The following TCEANC2 variants were observed in gnomAD, a reference collection of about 807,000 sequenced individuals.
The protein encoded by TCEANC2 is transcription elongation factor A N-terminal and central domain containing 2.
TCEANC2 carries 20 observed loss-of-function variants against 22.8 expected under a neutral mutation model. That is an observed-to-expected ratio of 0.88 (90% CI 0.62 to 1.28). The LOEUF is 1.28. Ranked by LOEUF, TCEANC2 falls within the 50% of genes most tolerant of loss-of-function variation. The probability of loss-of-function intolerance (pLI) is 0.00; values close to 1 mark genes in which losing one functional copy is unlikely to be tolerated. For missense variants in TCEANC2, 251 were observed against 249.7 expected, an observed-to-expected ratio of 1.01 and a Z score of -0.03; for synonymous variants, 84 against 95.5, an observed-to-expected ratio of 0.88 and a Z score of 0.70.
intron 2 of TCEANC2, among the ~76,000 whole-genome samples, chr1:54,062,341 A>G (rs750696478): frequency 2.6e-5 from 4 of 152,132 alleles, no homozygotes; most frequent in African/African-American, 4.8e-5. Context: ...TGAGCAATCT[A>G]TTTTCTGGCC....
intron 2 of TCEANC2, among the ~76,000 whole-genome samples, chr1:54,065,128 G>A (rs917435778): frequency 1.3e-5 from 2 of 152,264 alleles, no homozygotes; most frequent in African/African-American, 4.8e-5. Flanking sequence ...AGTATGAAAA[G>A]AGAACAGGTA....
chr1:54,096,977 C>A lies in TCEANC2; in HGVS notation c.*504C>A, dbSNP rs748035442. The A allele has an allele frequency of 2.0e-6, 2 of 986,102 alleles. No homozygotes were observed. The highest frequency in any genetic ancestry group is 2.4e-6 in the Non-Finnish European group (2 of 830,152). The allele number at this position is 986,102 out of a possible 1,614,324, so 61.1% of individuals were successfully genotyped here. ...CAGGGGTGAGCCTGCGAGAGCCAGC[C>A]AACTACCCCTTCTTCCCAGAGCTCA... On this transcript the variant is annotated 3_prime_UTR_variant, in exon 5 of 5. Coordinates refer to ENST00000234827, the MANE Select transcript of TCEANC2 (RefSeq NM_153035.3). The surrounding 1 kb of genome is among the most constrained non-coding windows in gnomAD (Gnocchi z 4.9).
At chr1:54,112,396 A>G (rs1245780543) in exon 5 of TCEANC2, 1 of 152,244 alleles carries the variant, frequency 6.6e-6, no homozygotes, top group Non-Finnish European at 1.5e-5. Flanking sequence ...TAATGTGTAT[A>G]ATAACAATAA....
At chr1:54,091,017 A>T (rs1344157162) in intron 4 of TCEANC2, among the ~76,000 whole-genome samples, 1 of 152,200 alleles carries the variant, frequency 6.6e-6, no homozygotes, top group East Asian at 1.9e-4. Flanking sequence ...AAGCAAAGTT[A>T]AAAAAGTGAT....
chr1:54,061,338 G>A (rs12060351), intron 2 of TCEANC2, among the ~76,000 whole-genome samples: 3,036 of 152,276 alleles, frequency 0.02, 60 homozygotes, highest in Middle Eastern at 0.078. Flanking sequence ...TGATTATTAT[G>A]AGAGTGAAAT....
intron 2 of TCEANC2, among the ~76,000 whole-genome samples, chr1:54,064,723 G>A (rs1657916739): frequency 1.4e-5 from 2 of 143,544 alleles, no homozygotes; most frequent in African/African-American, 2.6e-5. Context: ...TTTGGGGGAC[G>A]GAGTCTCACT....
chr1:54,092,123 A>G (rs1287494366), intron 4 of TCEANC2, among the ~76,000 whole-genome samples: 1 of 152,212 alleles, frequency 6.6e-6, no homozygotes, highest in South Asian at 2.1e-4. Context: ...TACAAATTCA[A>G]TCATGCTATT....
chr1:54,054,472 A>G lies in TCEANC2; in HGVS notation c.50A>G (p.Lys17Arg). 2 of 1,614,064 alleles carry G rather than the reference A, an allele frequency of 1.2e-6. No homozygotes were observed. The highest frequency in any genetic ancestry group is 1.7e-6 in the Non-Finnish European group (2 of 1,179,984). Reference sequence around the variant, plus strand: ...CCTAGAATCCAGAATAGCCCTCAGAAGAAAGATTCTGGAGGAAAGGTTTAC... The same window carrying G: ...CCTAGAATCCAGAATAGCCCTCAGAGGAAAGATTCTGGAGGAAAGGTTTAC... ...RTPRIQNSPQKKDSGGKVYKQ... is the reference protein window; with the variant it reads ...RTPRIQNSPQRKDSGGKVYKQ... The change falls in exon 2 of 5, where the codon AAG (lysine) becomes AGG (arginine). Residue 17 changes from lysine to arginine, a missense_variant. Physicochemically the swap from Lys to Arg is conservative, Grantham distance 26. Transcript: ENST00000234827.
intron 3 of TCEANC2, among the ~76,000 whole-genome samples, chr1:54,072,816 GTTC>G (rs1434752291): frequency 2.6e-5 from 4 of 151,944 alleles, no homozygotes; most frequent in Non-Finnish European, 4.4e-5. Context: ...TTAATATCTA[GTTC>G]TTCTGTATTC....
rs528383323 is a variant in TCEANC2, at chr1:54,103,119, T to C, written c.*6646T>C. 6.6e-6 allele frequency: 1 copy of C among 152,324 alleles called. No individual in the cohort carries two copies. The highest frequency in any genetic ancestry group is 2.1e-4 in the South Asian group (1 of 4,820). 9.4% of individuals were successfully genotyped at this position (152,324 alleles called of 1,614,324 possible). A position where few individuals can be genotyped will look rare whatever the true frequency, so the allele number is the denominator to read the frequency against. ...ATGTAAACACCCACCAGAGAGCACA[T>C]ACCATGGAGAAGCACTAAACAACAA... On this transcript the variant is annotated 3_prime_UTR_variant, in exon 5 of 5. Transcript: ENST00000234827.
chr1:54,067,465 G>C (rs752212662), intron 2 of TCEANC2, among the ~76,000 whole-genome samples: 4 of 152,188 alleles, frequency 2.6e-5, no homozygotes, highest in Non-Finnish European at 4.4e-5. Context: ...GAAAAAGAAA[G>C]TCAGCTTTCA....
At chr1:54,057,115 C>T (rs1006862715) in intron 2 of TCEANC2, among the ~76,000 whole-genome samples, 18 of 151,744 alleles carry the variant, frequency 1.2e-4, no homozygotes, top group African/African-American at 4.4e-4. Flanking sequence ...TTCTTCCAAA[C>T]CTCTTCCTTG....
intron 2 of TCEANC2, among the ~76,000 whole-genome samples, chr1:54,056,076 C>T (rs1238627301): frequency 6.6e-6 from 1 of 152,182 alleles, no homozygotes; most frequent in African/African-American, 2.4e-5. Context: ...CCCTACCAAA[C>T]TCTAGATGAT....
chr1:54,064,036 A>C (rs953527604), intron 2 of TCEANC2, among the ~76,000 whole-genome samples: 2 of 152,260 alleles, frequency 1.3e-5, no homozygotes, highest in African/African-American at 4.8e-5. Context: ...GGCAAAGGCA[A>C]ATGTGAGATT....
Position 54,084,690 on chromosome 1 carries a change from C to G in TCEANC2, c.245-3907C>G, listed in dbSNP as rs565345699. Among the ~76,000 whole-genome samples, 3 of 152,022 alleles carry G rather than the reference C, an allele frequency of 2.0e-5. No individual in the cohort carries two copies. In the South Asian group the frequency reaches 6.2e-4, roughly 32 times the overall value. ...CAGCCTGGCCAACATGGCAAAACCCCGTCTCTACTAAAAATACAAAAATTA... is the reference window on the plus strand; with the variant it reads ...CAGCCTGGCCAACATGGCAAAACCCGGTCTCTACTAAAAATACAAAAATTA... On this transcript the variant is annotated intron_variant, in intron 3 of 4. Coordinates refer to ENST00000234827, the MANE Select transcript of TCEANC2 (RefSeq NM_153035.3).
In TCEANC2 at chr1:54,068,902, A is replaced by G. The variant is rs1658007259; in HGVS notation, c.244+5A>G. ...TGTTAAAATCAACAAGGATAGGTAT[A>G]TTCCTTCTTAATTTTATTTTTTAAG... is the stretch of plus-strand genomic sequence containing the variant. On this transcript the variant is annotated splice_donor_5th_base_variant and intron_variant, in intron 3 of 4. Transcript: ENST00000234827. 6.5e-7 allele frequency: 1 copy of G among 1,541,746 alleles called. No homozygotes were observed. Among genetic ancestry groups the G allele is most frequent in the Non-Finnish European group, 8.7e-7 (1 of 1,151,728 alleles).
In TCEANC2 at chr1:54,101,137, A is replaced by G. The variant is rs1266666967; in HGVS notation, c.*4664A>G. ...TCAGGTTCTTAAACTTGTGCCTGTC[A>G]ACCTTGGTTTTCTTTTGCTGTAGCC... On this transcript the variant is annotated 3_prime_UTR_variant, in exon 5 of 5. Coordinates refer to ENST00000234827, the MANE Select transcript of TCEANC2 (RefSeq NM_153035.3). The G allele has an allele frequency of 6.6e-6, 1 of 152,188 alleles. No individual in the cohort carries two copies. The allele number at this position is 152,188 out of a possible 1,614,324, so 9.4% of individuals were successfully genotyped here.
chr1:54,095,455 G>C (rs1570025525), intron 4 of TCEANC2, among the ~76,000 whole-genome samples: 2 of 152,254 alleles, frequency 1.3e-5, no homozygotes, highest in South Asian at 2.1e-4. Flanking sequence ...GGAGGGTAGG[G>C]GCTGGGGGGT....
intron 4 of TCEANC2, among the ~76,000 whole-genome samples, chr1:54,093,464 A>G (rs1658486161): frequency 1.3e-5 from 2 of 152,082 alleles, no homozygotes; most frequent in Admixed American, 1.3e-4. Context: ...ATTTTTCTCC[A>G]TTTCTTAATT....
Sources: allele counts gnomAD v4.1 joint callset (sites outside exome capture counted in the v4.1 genomes callset), GRCh38; gene constraint gnomAD v4.1.1; non-coding constraint Gnocchi (gnomAD v3.1); transcripts MANE v1.5; gene names NCBI Gene and HGNC (gene_info 2026-07-23, HGNC 2026-07-21).